Variants in RAB5C observed in about 807,000 individuals in gnomAD.
The protein encoded by RAB5C is RAB5C, member RAS oncogene family, also known as ras-related protein Rab-5C.
A neutral mutation model predicts 25.2 loss-of-function variants in RAB5C; 4 were observed. The observed-to-expected ratio is 0.16, with a 90% CI of 0.08 to 0.36. RAB5C has a LOEUF of 0.36. Ranked by LOEUF, RAB5C falls within the 10% of genes least tolerant of loss-of-function variation. The probability of loss-of-function intolerance (pLI) is 1.00; values close to 1 mark genes in which losing one functional copy is unlikely to be tolerated. For missense variants in RAB5C, 199 were observed against 283.8 expected (o/e 0.70, Z 2.15); for synonymous variants, 100 against 106.4 (o/e 0.94, Z 0.37).
Position 42,143,333 on chromosome 17 carries a change from G to A in RAB5C, c.-89+11560C>T, listed in dbSNP as rs573064130. ...CCAGCTGAATCTACAACTCTGGCAC[G>A]AAATACACAAAGTAAGCCTGGGGCC... On this transcript the variant is annotated intron_variant, in intron 1 of 5. Coordinates refer to ENST00000346213, the MANE Select transcript of RAB5C (RefSeq NM_004583.4). Among the ~76,000 whole-genome samples, 16 of 152,286 alleles carry A rather than the reference G, an allele frequency of 1.1e-4. No homozygotes were observed. The Middle Eastern group carries it at 0.017, about 162-fold the overall frequency.
rs10553272 is a variant in RAB5C, at chr17:42,140,515, A to ATTT, written c.-88-9928_-88-9926dup. Among the ~76,000 whole-genome samples, 5 of 26,644 alleles carry ATTT rather than the reference A, an allele frequency of 1.9e-4. 1 individual carries two copies. The highest frequency in any genetic ancestry group is 3.3e-4 in the Non-Finnish European group (5 of 15,352). The allele number at this position is 26,644 out of a possible 152,430, so 17.5% of individuals were successfully genotyped here. On this transcript the variant is annotated intron_variant, in intron 1 of 5. Transcript: ENST00000346213. ...TATATATATATATATATATATATATATTTTTTTTTTTTTTTTTTTTTTTTT... is the reference window on the plus strand; with the variant it reads ...TATATATATATATATATATATATATATTTTTTTTTTTTTTTTTTTTTTTTTTTT...
At chr17:42,130,255 A>T in intron 2 of RAB5C, 82 bp downstream of exon 2, 1 of 1,519,460 alleles carries the variant, frequency 6.6e-7, no homozygotes. Flanking sequence ...TAATGCAGGC[A>T]GGCAGCTTCC....
At chr17:42,143,136 G>A (rs2079612572) in intron 1 of RAB5C, among the ~76,000 whole-genome samples, 1 of 152,222 alleles carries the variant, frequency 6.6e-6, no homozygotes, top group Admixed American at 6.5e-5. Flanking sequence ...CAGGACTGCA[G>A]TTGATTCTCA....
At chr17:42,142,002 T>C (rs1228523862) in intron 1 of RAB5C, among the ~76,000 whole-genome samples, 1 of 152,090 alleles carries the variant, frequency 6.6e-6, no homozygotes, top group Non-Finnish European at 1.5e-5. Flanking sequence ...AGAGGACGTC[T>C]TTCCTCAGTT....
At chr17:42,131,602 G>A in intron 1 of RAB5C, 3 of 1,533,652 alleles carry the variant, frequency 2.0e-6, no homozygotes, top group Non-Finnish European at 2.6e-6. Context: ...TTTTTCAATA[G>A]AGACCTCAGT....
intron 1 of RAB5C, among the ~76,000 whole-genome samples, chr17:42,148,282 G>A (rs2079649235): frequency 6.6e-6 from 1 of 151,428 alleles, no homozygotes; most frequent in Non-Finnish European, 1.5e-5. Flanking sequence ...GTACACACCT[G>A]TAATCCCAGG....
chr17:42,138,977 T>G (rs2054564981), intron 1 of RAB5C, among the ~76,000 whole-genome samples: 1 of 152,192 alleles, frequency 6.6e-6, no homozygotes, highest in East Asian at 1.9e-4. Context: ...TTTCCAGGAC[T>G]CTACCCCAGC....
intron 1 of RAB5C, among the ~76,000 whole-genome samples, chr17:42,141,475 C>T (rs1422997913): frequency 2.0e-5 from 3 of 152,140 alleles, no homozygotes. Flanking sequence ...TGAGAGGTAC[C>T]GCCCGCTTAC....
chr17:42,139,292 C>T (rs567798643), intron 1 of RAB5C, among the ~76,000 whole-genome samples: 7 of 152,312 alleles, frequency 4.6e-5, no homozygotes, highest in African/African-American at 1.2e-4. Flanking sequence ...ACAGGTAGCA[C>T]GGAAGGCCCA....
rs2054475444 is a variant in RAB5C at position 42,130,601 on chromosome 17, G to A, written c.-88-11C>T. On this transcript the variant is annotated splice_polypyrimidine_tract_variant and intron_variant, in intron 1 of 5. Transcript: ENST00000346213. ...GAGGGGGACCTCCAACTGTAAGGGA[G>A]AAATGAGAAGTACTGAGTTAGTTCA... is the stretch of plus-strand genomic sequence containing the variant. The A allele has an allele frequency of 1.9e-6, 3 of 1,554,254 alleles. No individual in the cohort carries two copies. The highest frequency in any genetic ancestry group is 1.2e-5 in the South Asian group (1 of 86,818).
At chr17:42,130,049 A>C in intron 2 of RAB5C, 1 of 348,776 alleles carries the variant, frequency 2.9e-6, no homozygotes, top group Non-Finnish European at 5.2e-6. Flanking sequence ...CCATGAGGCC[A>C]GGGCAGTGAA....
At chr17:42,147,372 A>G (rs1276466186) in intron 1 of RAB5C, among the ~76,000 whole-genome samples, 1 of 152,188 alleles carries the variant, frequency 6.6e-6, no homozygotes, top group Non-Finnish European at 1.5e-5. Context: ...AACAGTATCC[A>G]CAGGCAGAGT....
chr17:42,133,175 G>T (rs1315936063), intron 1 of RAB5C, among the ~76,000 whole-genome samples: 1 of 152,220 alleles, frequency 6.6e-6, no homozygotes, highest in Non-Finnish European at 1.5e-5. Context: ...GAAAACCACA[G>T]TGGAATTACA....
Position 42,130,603 on chromosome 17 carries a change from A to G in RAB5C, c.-88-13T>C, listed in dbSNP as rs1447888096. 1 of 1,551,436 alleles carries G rather than the reference A, an allele frequency of 6.4e-7. No homozygotes were observed. The highest frequency in any genetic ancestry group is 8.7e-7 in the Non-Finnish European group (1 of 1,148,552). On this transcript the variant is annotated splice_polypyrimidine_tract_variant and intron_variant, in intron 1 of 5. Transcript: ENST00000346213. ...GGGGGACCTCCAACTGTAAGGGAGAAATGAGAAGTACTGAGTTAGTTCAGA... is the reference window on the plus strand; with the variant it reads ...GGGGGACCTCCAACTGTAAGGGAGAGATGAGAAGTACTGAGTTAGTTCAGA...
At chr17:42,130,711 C>T in intron 1 of RAB5C, 121 bp from the exon 2 acceptor site, 1 of 1,249,618 alleles carries the variant, frequency 8.0e-7, no homozygotes, top group Non-Finnish European at 1.1e-6. Context: ...CTTCCCCTCA[C>T]CTCACCTCCC....
Position 42,144,714 on chromosome 17 carries a change from G to C in RAB5C, c.-89+10179C>G, listed in dbSNP as rs1598255779. 2.0e-5 allele frequency among the ~76,000 whole-genome samples: 3 copies of C among 151,732 alleles called. No individual in the cohort carries two copies. In the South Asian group the frequency reaches 6.2e-4, roughly 32 times the overall value. ...GAGGCTGAGGCGGGCGGATCACGAG[G>C]TCAGGAGATCGAGACCATCCTGCCT... On this transcript the variant is annotated intron_variant, in intron 1 of 5. Coordinates refer to ENST00000346213, the MANE Select transcript of RAB5C (RefSeq NM_004583.4).
At position 42,128,321 on chromosome 17, in the gene RAB5C, G is replaced by C; in HGVS notation, c.381C>G (p.Ile127Met). 6.2e-7 allele frequency: 1 copy of C among 1,614,120 alleles called. No homozygotes were observed. Among genetic ancestry groups the C allele is most frequent in the Non-Finnish European group, 8.5e-7 (1 of 1,180,002 alleles). ...CCTTGTTACCCGCGAGTGCAATGACGATGTTGGGGCTGGCCTGCCTCTGTA... is the reference window on the plus strand; with the variant it reads ...CCTTGTTACCCGCGAGTGCAATGACCATGTTGGGGCTGGCCTGCCTCTGTA... ...KELQRQASPN[I>M]VIALAGNKAD... Residue 127 changes from isoleucine (I) to methionine (M), a missense_variant, in exon 4 of 6, where the codon ATC (isoleucine) becomes ATG (methionine). Around this residue, in one of 3 missense-constraint regions of RAB5C, gnomAD observed 154 missense variants for 199.6 expected, o/e 0.77. Coordinates refer to ENST00000346213, the MANE Select transcript of RAB5C (RefSeq NM_004583.4).
intron 1 of RAB5C, among the ~76,000 whole-genome samples, chr17:42,133,714 CCTGAG>C (rs2054508995): frequency 6.6e-6 from 1 of 152,240 alleles, no homozygotes; most frequent in African/African-American, 2.4e-5. Flanking sequence ...GTAGAAGCCA[CCTGAG>C]CTGAGCCTCA....
chr17:42,134,442 T>C (rs982126321), intron 1 of RAB5C, among the ~76,000 whole-genome samples: 2 of 152,124 alleles, frequency 1.3e-5, no homozygotes, highest in East Asian at 3.8e-4. Context: ...GCCAACGTGG[T>C]GGTACACGCC....
Sources: gnomAD v4.1 joint callset for allele counts (sites outside exome capture counted in the v4.1 genomes callset) on GRCh38, gnomAD v4.1.1 for gene constraint, gnomAD v4.1.1 regional missense constraint, MANE v1.5 for transcripts, NCBI Gene and HGNC (gene_info 2026-07-23, HGNC 2026-07-21) for gene names.